The following RAD17 variants were observed in gnomAD, a reference collection of about 807,000 sequenced individuals.
The protein encoded by RAD17 is cell cycle checkpoint protein RAD17.
In RAD17, 31 loss-of-function variants were observed where a neutral mutation model predicts 81.5. That is an observed-to-expected ratio of 0.38 (90% CI 0.29 to 0.51). The LOEUF (loss-of-function observed/expected upper bound fraction) is 0.51, where lower values mean the gene tolerates loss of function less well. RAD17 is among the 20% of genes least tolerant of loss of function. The pLI is 0.88. For synonymous variants in RAD17, 261 were observed against 266.2 expected (o/e 0.98, Z 0.19); for missense variants, 681 against 781.2 (o/e 0.87, Z 1.53).
chr5:69,388,191 A>ATT (rs17229985), intron 11 of RAD17, among the ~76,000 whole-genome samples: 2 of 150,748 alleles, frequency 1.3e-5, no homozygotes, highest in Non-Finnish European at 1.5e-5. Context: ...CAAAACAAAA[A>ATT]TTTTTTTTTT....
Position 69,393,475 on chromosome 5 carries a change from C to T in RAD17, c.1397C>T (p.Ala466Val). ...AGAGCCAGTGAATTTCTGAGTTTTGCAGATATCCTCAGTGGTGACTGGAAT... is the reference window on the plus strand; with the variant it reads ...AGAGCCAGTGAATTTCTGAGTTTTGTAGATATCCTCAGTGGTGACTGGAAT... ...IVRASEFLSF[A>V]DILSGDWNTR... Residue 466 changes from alanine to valine, a missense_variant, in exon 15 of 19, where the codon GCA becomes GTA. Transcript: ENST00000354868. The T allele has an allele frequency of 1.2e-6, 2 of 1,609,880 alleles. No homozygotes were observed. Among genetic ancestry groups the T allele is most frequent in the South Asian group, 2.2e-5 (2 of 90,326 alleles).
chr5:69,381,306 C>G (rs1489768264), intron 6 of RAD17, among the ~76,000 whole-genome samples: 1 of 151,956 alleles, frequency 6.6e-6, no homozygotes, highest in Non-Finnish European at 1.5e-5. Flanking sequence ...CGGTGAAACC[C>G]TGTCTCTACT....
At chr5:69,384,033 G>A (rs1183236199) in intron 7 of RAD17, 1 of 152,074 alleles carries the variant, frequency 6.6e-6, no homozygotes, top group Admixed American at 6.6e-5. Context: ...AGGCGTGGTG[G>A]TGTGTTCCTG....
chr5:69,393,723 CT>C (rs1764684931), intron 15 of RAD17, among the ~76,000 whole-genome samples: 1 of 151,636 alleles, frequency 6.6e-6, no homozygotes, highest in Non-Finnish European at 1.5e-5. Context: ...AAGTTATTTT[CT>C]TTTTTTCTTT....
chr5:69,374,907 C>T (rs953787062), intron 6 of RAD17, among the ~76,000 whole-genome samples, 196 bp downstream of exon 6: 1 of 152,284 alleles, frequency 6.6e-6, no homozygotes, highest in South Asian at 2.1e-4. Context: ...AGGAGGATCA[C>T]TTGAGCCCAG....
At chr5:69,413,693 C>A (rs748968166) in intron 18 of RAD17, among the ~76,000 whole-genome samples, 1 of 152,128 alleles carries the variant, frequency 6.6e-6, no homozygotes, top group Non-Finnish European at 1.5e-5. Context: ...TGCCACCACG[C>A]CTGGCTAATT....
intron 15 of RAD17, among the ~76,000 whole-genome samples, chr5:69,394,317 C>T (rs953319089): frequency 1.3e-5 from 2 of 151,754 alleles, no homozygotes; most frequent in Non-Finnish European, 2.9e-5. Context: ...CTGCCCTGGC[C>T]TCTCAAAAGT....
chr5:69,400,493 G>A (rs1765196950), intron 17 of RAD17, among the ~76,000 whole-genome samples: 1 of 152,072 alleles, frequency 6.6e-6, no homozygotes, highest in Non-Finnish European at 1.5e-5. Flanking sequence ...TGGGATTACA[G>A]GTGTGAGCCA....
At chr5:69,399,912 AG>A (rs1270618414) in intron 16 of RAD17, 136 bp from the exon 17 acceptor site, 8 of 491,290 alleles carry the variant, frequency 1.6e-5, no homozygotes, top group Non-Finnish European at 2.4e-5. Context: ...AGCTATTAAA[AG>A]TATATTTGTG....
At chr5:69,396,693 G>T (rs1764915821) in intron 16 of RAD17, 147 bp downstream of exon 16, 2 of 954,576 alleles carry the variant, frequency 2.1e-6, no homozygotes, top group African/African-American at 3.3e-5. Flanking sequence ...TCCACAATTA[G>T]ATTCTGAGTT....
chr5:69,400,293 C>G (rs1765183363), intron 17 of RAD17, 124 bp downstream of exon 17: 1 of 558,828 alleles, frequency 1.8e-6, no homozygotes, highest in Non-Finnish European at 2.6e-6. Context: ...TCTCGGCTCA[C>G]TGCAACCTCT....
intron 11 of RAD17, among the ~76,000 whole-genome samples, chr5:69,387,333 G>A (rs1390650053): frequency 1.3e-5 from 2 of 152,050 alleles, no homozygotes; most frequent in Admixed American, 6.6e-5. Flanking sequence ...GAATCCTATT[G>A]GTATAAATCA....
chr5:69,394,082 TCTTA>T (rs1182548555), intron 15 of RAD17, among the ~76,000 whole-genome samples: 6 of 136,928 alleles, frequency 4.4e-5, no homozygotes, highest in African/African-American at 1.7e-4. Flanking sequence ...CGAGACAGCG[TCTTA>T]CTTTTTTGCC....
intron 2 of RAD17, 31 bp downstream of exon 2, chr5:69,371,202 T>G: frequency 2.0e-6 from 1 of 506,042 alleles, no homozygotes; most frequent in South Asian, 1.7e-5. Flanking sequence ...GTTTTTTTGT[T>G]TTTTTTTTTC....
chr5:69,410,476 T>TA lies in RAD17; in HGVS notation c.1694-11dup. 1 of 1,606,106 alleles carries TA rather than the reference T, an allele frequency of 6.2e-7. No individual in the cohort carries two copies. ...TCTTTGGAAAATTGTTTACAACTTT[T>TA]AAAAAATCTGTTTCAGCTCAGATTT... On this transcript the variant is annotated splice_polypyrimidine_tract_variant and intron_variant, in intron 17 of 18. Coordinates refer to ENST00000354868, the MANE Select transcript of RAD17 (RefSeq NM_133338.3).
In RAD17 at chr5:69,384,947, T is replaced by C. The variant is rs752567612; in HGVS notation, c.645+14T>C. 7.3e-5 allele frequency: 115 copies of C among 1,568,614 alleles called. No individual in the cohort carries two copies. The highest frequency in any genetic ancestry group is 9.4e-5 in the Non-Finnish European group (109 of 1,161,188). ...ATTCTGGTTGAAGTAAGGACAACTT[T>C]TAAAATCTTTTTTTTTTTTTTTTTG... On this transcript the variant is annotated intron_variant, in intron 8 of 18. Transcript: ENST00000354868.
chr5:69,371,512 T>C lies in RAD17; in HGVS notation c.-221T>C, dbSNP rs745456525. On this transcript the variant is annotated 5_prime_UTR_variant, in exon 3 of 19. Coordinates refer to ENST00000354868, the MANE Select transcript of RAD17 (RefSeq NM_133338.3). ...ACTACGGATGGGAACTATTACAGTT[T>C]ATAATGTCAAAAACTTTTCTTAGAC... 1 of 1,434,124 alleles carries C rather than the reference T, an allele frequency of 7.0e-7. No individual in the cohort carries two copies. Among genetic ancestry groups the C allele is most frequent in the South Asian group, 1.5e-5 (1 of 64,790 alleles). 88.8% of individuals were successfully genotyped at this position (1,434,124 alleles called of 1,614,324 possible).
intron 6 of RAD17, among the ~76,000 whole-genome samples, chr5:69,379,458 T>A (rs1302005006): frequency 6.6e-6 from 1 of 152,180 alleles, no homozygotes; most frequent in Non-Finnish European, 1.5e-5. Flanking sequence ...CAGTTTTTTA[T>A]TTAATAAATT....
intron 16 of RAD17, among the ~76,000 whole-genome samples, chr5:69,397,166 CAG>C (rs1561264078): frequency 6.6e-6 from 1 of 151,408 alleles, no homozygotes; most frequent in Admixed American, 6.6e-5. Flanking sequence ...TTTATTCAGA[CAG>C]AGTCGTTCTC....
Sources: gnomAD v4.1 joint callset for allele counts (sites outside exome capture counted in the v4.1 genomes callset) on GRCh38, gnomAD v4.1.1 for gene constraint, MANE v1.5 for transcripts, NCBI Gene and HGNC (gene_info 2026-07-23, HGNC 2026-07-21) for gene names.